The following SYNE3 variants were observed in gnomAD, a reference collection of about 807,000 sequenced individuals.
SYNE3 encodes spectrin repeat containing nuclear envelope family member 3.
Under a neutral mutation model 111.2 loss-of-function variants are expected in SYNE3, and 100 were observed. That is an observed-to-expected ratio of 0.90 (90% confidence interval 0.77 to 1.06). The LOEUF (loss-of-function observed/expected upper bound fraction) is 1.06, where lower values mean the gene tolerates loss of function less well. Ranked by LOEUF, SYNE3 falls within the 50% of genes least tolerant of loss-of-function variation. The probability of loss-of-function intolerance (pLI) is 0.00; values close to 1 mark genes in which losing one functional copy is unlikely to be tolerated. For missense variants in SYNE3, 1,160 were observed against 1,240.3 expected (o/e 0.94, Z 0.97); for synonymous variants, 547 against 533.9 (o/e 1.02, Z -0.34).
At chr14:95,501,387 G>A (rs989492542) in intron 1 of SYNE3, among the ~76,000 whole-genome samples, 1 of 152,212 alleles carries the variant, frequency 6.6e-6, no homozygotes, top group Non-Finnish European at 1.5e-5. Flanking sequence ...AGGCCTCGTA[G>A]AGGAGCTGGT....
intron 4 of SYNE3, among the ~76,000 whole-genome samples, chr14:95,462,789 T>C (rs1887917402): frequency 6.6e-6 from 1 of 152,180 alleles, no homozygotes; most frequent in Non-Finnish European, 1.5e-5. Flanking sequence ...AGCGCCACCT[T>C]AGAAGTCATC....
intron 2 of SYNE3, among the ~76,000 whole-genome samples, chr14:95,469,162 C>A (rs1289136020): frequency 6.6e-6 from 1 of 152,172 alleles, no homozygotes; most frequent in Non-Finnish European, 1.5e-5. Context: ...AGATCCCCAG[C>A]CCGTCTCCCT....
intron 17 of SYNE3, among the ~76,000 whole-genome samples, chr14:95,430,817 T>C (rs11621945): frequency 0.33 from 42,565 of 130,528 alleles, 6,305 homozygotes; most frequent in South Asian, 0.48. Flanking sequence ...GGAGACTCTG[T>C]CTCAAAGGAA....
At chr14:95,506,074 A>T (rs981795908) in intron 1 of SYNE3, among the ~76,000 whole-genome samples, 6 of 152,218 alleles carry the variant, frequency 3.9e-5, no homozygotes, top group South Asian at 2.1e-4. Context: ...AGTTAAAAAA[A>T]TTTAAAAAAA....
At chr14:95,503,908 T>C (rs1890432646) in intron 1 of SYNE3, among the ~76,000 whole-genome samples, 1 of 152,134 alleles carries the variant, frequency 6.6e-6, no homozygotes, top group South Asian at 2.1e-4. Flanking sequence ...TGTGAGCCAC[T>C]GTGCCCGGCC....
rs977879504 is a variant in SYNE3, at chr14:95,414,630, A to G, written c.*3196T>C. ...GTAAGCAGGGATAACTAATTCATCA[A>G]CCGACCCACTGGTGGTCCTTTCTCC... On this transcript the variant is annotated 3_prime_UTR_variant, in exon 18 of 18. Transcript: ENST00000682763. The G allele has an allele frequency of 6.7e-6, 1 of 150,244 alleles. No homozygotes were observed. Among genetic ancestry groups the G allele is most frequent in the African/African-American group, 2.5e-5 (1 of 40,580 alleles). 9.3% of individuals were successfully genotyped at this position (150,244 alleles called of 1,614,324 possible). A position where few individuals can be genotyped will look rare whatever the true frequency, so the allele number is the denominator to read the frequency against.
chr14:95,444,534 C>A lies in SYNE3; in HGVS notation c.1727G>T (p.Gly576Val), dbSNP rs897472998. 5 of 1,613,660 alleles carry A rather than the reference C, an allele frequency of 3.1e-6. No homozygotes were observed. Among genetic ancestry groups the A allele is most frequent in the East Asian group, 2.2e-5 (1 of 44,876 alleles). Reference protein sequence around the residue: ...DLQVRVQAEKGLQRDLPGKQA... With the variant: ...DLQVRVQAEKVLQRDLPGKQA... ...TTTTCCAGGAAGGTCCCGCTGAAGC[C>A]CCTTCTCGGCTTGGACCCTGACCTG... is the stretch of plus-strand genomic sequence containing the variant. Residue 576 changes from glycine (G) to valine (V), a missense_variant, in exon 10 of 18, where the codon GGG becomes GTG. Gly to Val is a moderately radical substitution (Grantham distance 109). Transcript: ENST00000682763.
At chr14:95,455,994 C>T in intron 5 of SYNE3, 1 of 451,524 alleles carries the variant, frequency 2.2e-6, no homozygotes, top group Non-Finnish European at 3.9e-6. Flanking sequence ...CTGTCTTGAA[C>T]ACTTTCTGAC....
intron 4 of SYNE3, among the ~76,000 whole-genome samples, chr14:95,460,069 C>G (rs988443489): frequency 1.8e-4 from 28 of 152,094 alleles, no homozygotes; most frequent in Non-Finnish European, 3.8e-4. Context: ...TGCACTCCAG[C>G]CTACCTCACC....
chr14:95,408,362 A>C lies in SYNE3; in HGVS notation c.*9464T>G, dbSNP rs1186889712. The C allele has an allele frequency of 1.3e-5, 2 of 152,210 alleles. No homozygotes were observed. The highest frequency in any genetic ancestry group is 2.9e-5 in the Non-Finnish European group (2 of 68,026). The allele number at this position is 152,210 out of a possible 1,614,324, so 9.4% of individuals were successfully genotyped here. ...AGAGAAAGGAGAAAATTTAGGACCC[A>C]CAGAATTAAGCCCTCTTTCAAAGCA... On this transcript the variant is annotated 3_prime_UTR_variant, in exon 18 of 18. Transcript: ENST00000682763.
Position 95,466,387 on chromosome 14 carries a change from C to A in SYNE3, c.318-147G>T, listed in dbSNP as rs919828939. 3.3e-6 allele frequency: 3 copies of A among 902,664 alleles called. No individual in the cohort carries two copies. The African/African-American group carries it at 5.0e-5, about 15-fold the overall frequency. The allele number at this position is 902,664 out of a possible 1,614,324, so 55.9% of individuals were successfully genotyped here. A position where few individuals can be genotyped will look rare whatever the true frequency, so the allele number is the denominator to read the frequency against. On this transcript the variant is annotated intron_variant, in intron 3 of 17. Transcript: ENST00000682763. The stretch of plus-strand genomic sequence containing the variant: ...CTTTCTGGCCTCTGAGTCACCTGGG[C>A]AGCTTGTTGACACTCCAGATTCTAG...
intron 17 of SYNE3, among the ~76,000 whole-genome samples, chr14:95,420,787 T>C (rs760882352): frequency 6.6e-6 from 1 of 151,186 alleles, no homozygotes; most frequent in Non-Finnish European, 1.5e-5. Flanking sequence ...ACAAGAAAAA[T>C]GACAATCTTG....
intron 4 of SYNE3, among the ~76,000 whole-genome samples, chr14:95,457,572 GC>G (rs1362548440): frequency 2.2e-4 from 33 of 152,310 alleles, no homozygotes; most frequent in African/African-American, 7.2e-4. Flanking sequence ...TTGGCACTGG[GC>G]CCTGTCACTA....
At chr14:95,473,748 C>T (rs61983363) in intron 2 of SYNE3, among the ~76,000 whole-genome samples, 1,745 of 92,402 alleles carry the variant, frequency 0.019, 47 homozygotes, top group African/African-American at 0.074. Context: ...TGTGAGCTTG[C>T]GAGGTGTGAC....
chr14:95,503,023 G>A (rs567425091), intron 1 of SYNE3, among the ~76,000 whole-genome samples: 5 of 152,184 alleles, frequency 3.3e-5, no homozygotes, highest in African/African-American at 7.2e-5. Flanking sequence ...TCTAAGGCAC[G>A]GGGATGAAGA....
At chr14:95,434,720 C>T (rs1030316151) in intron 15 of SYNE3, among the ~76,000 whole-genome samples, 7 of 152,190 alleles carry the variant, frequency 4.6e-5, no homozygotes, top group East Asian at 1.9e-4. Context: ...TGCAATGGCG[C>T]GATCTCGGCT....
chr14:95,460,654 C>T (rs1280344934), intron 4 of SYNE3, among the ~76,000 whole-genome samples: 1 of 152,182 alleles, frequency 6.6e-6, no homozygotes, highest in South Asian at 2.1e-4. Context: ...CTTCATGCTT[C>T]CCGCCTGCAG....
chr14:95,429,859 T>C (rs1304822734), intron 17 of SYNE3: 1 of 873,192 alleles, frequency 1.1e-6, no homozygotes, highest in Non-Finnish European at 1.4e-6. Context: ...CAACATCAGC[T>C]GGACATGTGC....
chr14:95,422,689 C>T (rs944075944), intron 17 of SYNE3, among the ~76,000 whole-genome samples: 1 of 152,178 alleles, frequency 6.6e-6, no homozygotes, highest in African/African-American at 2.4e-5. Context: ...AGGCACCAAG[C>T]GTGGGACGGT....
Sources: gnomAD v4.1 joint callset for allele counts (sites outside exome capture counted in the v4.1 genomes callset) on GRCh38, gnomAD v4.1.1 for gene constraint, MANE v1.5 for transcripts, NCBI Gene and HGNC (gene_info 2026-07-23, HGNC 2026-07-21) for gene names.